The following GIPC2 variants were observed in gnomAD, a reference collection of about 807,000 sequenced individuals.
The protein encoded by GIPC2 is GIPC PDZ domain containing family member 2, also known as PDZ domain-containing protein GIPC2.
Under a neutral mutation model 30.6 loss-of-function variants are expected in GIPC2, and 30 were observed. The observed-to-expected ratio is 0.98, with a 90% CI of 0.73 to 1.33. The LOEUF (loss-of-function observed/expected upper bound fraction) is 1.33. Among genes scored for constraint, GIPC2 ranks in the 40% most tolerant of loss-of-function variants. The pLI, the probability that GIPC2 is intolerant of heterozygous loss-of-function variation, is 0.00. For synonymous variants in GIPC2, 167 were observed against 150.0 expected (o/e 1.11, Z -0.83); for missense variants, 414 against 390.3 (o/e 1.06, Z -0.51).
At position 78,096,875 on chromosome 1, in the gene GIPC2, C is replaced by A. The variant is rs1662145760; in HGVS notation, c.607+1743C>A. 1.3e-5 allele frequency among the ~76,000 whole-genome samples: 2 copies of A among 152,094 alleles called. 1 individual carries two copies. Among genetic ancestry groups the A allele is most frequent in the South Asian group, 4.1e-4 (2 of 4,820 alleles). On this transcript the variant is annotated intron_variant, in intron 3 of 5. Transcript: ENST00000370759. ...CTTTGGAGGAATAAGTTTTTATTTT[C>A]CAAGGTTTCTATGGAAGTTTAACTC... is the stretch of plus-strand genomic sequence containing the variant.
Position 78,119,444 on chromosome 1 carries a change from G to T in GIPC2, c.659G>T (p.Cys220Phe). ...AGKSSGEKIG[C>F]GRATLRLRSK... ...AAGTCATCAGGAGAAAAAATTGGTTGTGGAAGGGCAACACTTCGCCTGAGA... is the reference window on the plus strand; with the variant it reads ...AAGTCATCAGGAGAAAAAATTGGTTTTGGAAGGGCAACACTTCGCCTGAGA... Residue 220 changes from cysteine (C) to phenylalanine (F), a missense_variant, in exon 4 of 6, where the codon TGT (cysteine) becomes TTT (phenylalanine). Physicochemically the swap from Cys to Phe is radical, Grantham distance 205 (BLOSUM62 -2). Transcript: ENST00000370759. 6.2e-7 allele frequency: 1 copy of T among 1,613,406 alleles called. No individual in the cohort carries two copies. The highest frequency in any genetic ancestry group is 8.5e-7 in the Non-Finnish European group (1 of 1,179,414).
At position 78,135,653 on chromosome 1, in the gene GIPC2, T is replaced by C; in HGVS notation, c.858T>C (p.Leu286=). 1 of 1,611,104 alleles carries C rather than the reference T, an allele frequency of 6.2e-7. No homozygotes were observed. The highest frequency in any genetic ancestry group is 8.5e-7 in the Non-Finnish European group (1 of 1,177,810). The change falls in exon 6 of 6, where the codon CTT becomes CTC. Residue 286 remains leucine, a synonymous_variant. Coordinates refer to ENST00000370759, the MANE Select transcript of GIPC2 (RefSeq NM_017655.6). ...ATCCAGATGAATTTGCTGTGGCACTTGACGAAACTCTTGGAGACTTTGCGT... is the reference window on the plus strand; with the variant it reads ...ATCCAGATGAATTTGCTGTGGCACTCGACGAAACTCTTGGAGACTTTGCGT... ...KVNPDEFAVA[L]DETLGDFAFP...
intron 4 of GIPC2, among the ~76,000 whole-genome samples, chr1:78,124,599 A>G (rs1571526959): frequency 1.3e-5 from 2 of 152,200 alleles, no homozygotes; most frequent in East Asian, 3.8e-4. Flanking sequence ...CTCCAGCTAC[A>G]TGGGACTTCT....
chr1:78,117,168 A>C (rs1260400265), intron 3 of GIPC2, among the ~76,000 whole-genome samples: 3 of 152,254 alleles, frequency 2.0e-5, no homozygotes, highest in Non-Finnish European at 4.4e-5. Flanking sequence ...CTCATGAAAA[A>C]GTGGGCAAAG....
At chr1:78,069,756 G>A (rs1460047202) in intron 1 of GIPC2, among the ~76,000 whole-genome samples, 1 of 152,094 alleles carries the variant, frequency 6.6e-6, no homozygotes, top group African/African-American at 2.4e-5. Flanking sequence ...TTACAGGCAT[G>A]AGCCACCGCA....
At chr1:78,128,045 A>C (rs1053601766) in intron 5 of GIPC2, among the ~76,000 whole-genome samples, 1 of 152,218 alleles carries the variant, frequency 6.6e-6, no homozygotes, top group Admixed American at 6.5e-5. Context: ...GCTGTCTGCA[A>C]CTTAAAAACA....
At chr1:78,079,150 C>T (rs1004906202) in intron 1 of GIPC2, among the ~76,000 whole-genome samples, 2 of 152,090 alleles carry the variant, frequency 1.3e-5, no homozygotes, top group Non-Finnish European at 2.9e-5. Context: ...TTGCCGGGAA[C>T]ATAAAGGGTT....
chr1:78,095,044 G>A lies in GIPC2; in HGVS notation c.519G>A (p.Trp173Ter), dbSNP rs758240480. Residue 173 changes from tryptophan (W) to a stop codon, truncating the protein, a stop_gained, in exon 3 of 6, where the codon TGG becomes TGA. Coordinates refer to ENST00000370759, the MANE Select transcript of GIPC2 (RefSeq NM_017655.6). LOFTEE classifies it high-confidence loss of function. ...TAAATGGAGAAAATATTGTTGGGTG[G>A]CGTCACTATGATGTTGCTAAGAAGT... Reference protein sequence around the residue: ...ESINGENIVGWRHYDVAKKLK... With the variant: ...ESINGENIVG 1.0e-5 allele frequency: 16 copies of A among 1,606,936 alleles called. No individual in the cohort carries two copies. In the South Asian group the frequency reaches 1.4e-4, roughly 14 times the overall value.
intron 1 of GIPC2, among the ~76,000 whole-genome samples, chr1:78,075,865 A>G (rs550998136): frequency 1.3e-5 from 2 of 152,274 alleles, no homozygotes; most frequent in East Asian, 3.9e-4. Flanking sequence ...TTGTGTTAGG[A>G]GGGGAAAAGA....
chr1:78,108,783 T>C (rs1334347566), intron 3 of GIPC2, among the ~76,000 whole-genome samples: 1 of 152,198 alleles, frequency 6.6e-6, no homozygotes, highest in African/African-American at 2.4e-5. Flanking sequence ...CATGTGTTTA[T>C]GGACAATGCT....
intron 1 of GIPC2, among the ~76,000 whole-genome samples, chr1:78,071,474 G>GT (rs5775440): frequency 0.018 from 2,663 of 145,692 alleles, 61 homozygotes; most frequent in African/African-American, 0.062. Context: ...CTTCTAGAAG[G>GT]TTTTTTTTTT....
At position 78,064,052 on chromosome 1, in the gene GIPC2, A is replaced by G. The variant is rs371198681; in HGVS notation, c.241-16623A>G. Reference sequence around the variant, plus strand: ...AGGAGCAGACTGATATAAATGTTTTATGTTACAAATCCAAATAACATGGGC... The same window carrying G: ...AGGAGCAGACTGATATAAATGTTTTGTGTTACAAATCCAAATAACATGGGC... On this transcript the variant is annotated intron_variant, in intron 1 of 5. Transcript: ENST00000370759. Among the ~76,000 whole-genome samples, 44 of 152,350 alleles carry G rather than the reference A, an allele frequency of 2.9e-4. No individual in the cohort carries two copies. In the East Asian group the frequency reaches 6.0e-3, roughly 21 times the overall value.
intron 2 of GIPC2, among the ~76,000 whole-genome samples, chr1:78,094,186 G>A (rs1179031329): frequency 6.6e-6 from 1 of 152,154 alleles, no homozygotes; most frequent in East Asian, 1.9e-4. Flanking sequence ...TTGTGTCTTT[G>A]CATCTGTAAC....
intron 2 of GIPC2, among the ~76,000 whole-genome samples, chr1:78,087,694 T>G (rs1339857766): frequency 2.6e-5 from 4 of 152,126 alleles, no homozygotes; most frequent in Admixed American, 6.5e-5. Flanking sequence ...TTCTGAACAT[T>G]GGAATGGGCA....
intron 1 of GIPC2, among the ~76,000 whole-genome samples, chr1:78,076,194 G>A (rs1661714013): frequency 1.3e-5 from 2 of 152,170 alleles, no homozygotes; most frequent in African/African-American, 4.8e-5. Flanking sequence ...GCTACCATAT[G>A]GCTTAAAATG....
rs536754691 is a variant in GIPC2 at position 78,100,975 on chromosome 1, C to T, written c.607+5843C>T. On this transcript the variant is annotated intron_variant, in intron 3 of 5. Coordinates refer to ENST00000370759, the MANE Select transcript of GIPC2 (RefSeq NM_017655.6). ...ACACACACACACACACACACACACA[C>T]ACACACATACACACGAGGTAGATGA... is the stretch of plus-strand genomic sequence containing the variant. 1.8e-3 allele frequency among the ~76,000 whole-genome samples: 263 copies of T among 147,822 alleles called. 5 individuals carry two copies. Among genetic ancestry groups the T allele is most frequent in the African/African-American group, 6.0e-3 (236 of 39,336 alleles).
intron 1 of GIPC2, among the ~76,000 whole-genome samples, chr1:78,078,199 A>AC (rs1326713216): frequency 2.6e-5 from 4 of 151,392 alleles, no homozygotes; most frequent in Admixed American, 6.6e-5. Context: ...AAAAAAAAAA[A>AC]AAAAAAAAAA....
chr1:78,121,628 T>G (rs1334287833), intron 4 of GIPC2, among the ~76,000 whole-genome samples: 1 of 151,910 alleles, frequency 6.6e-6, no homozygotes, highest in Non-Finnish European at 1.5e-5. Context: ...TCTGGGAGAA[T>G]GAAAGGACCG....
intron 3 of GIPC2, among the ~76,000 whole-genome samples, chr1:78,118,203 TGAG>T (rs1314349671): frequency 6.7e-6 from 1 of 148,256 alleles, no homozygotes; most frequent in African/African-American, 2.5e-5. Context: ...GATTCAGGCA[TGAG>T]ATTACTGTAA....
Sources: allele counts gnomAD v4.1 joint callset (sites outside exome capture counted in the v4.1 genomes callset), GRCh38; gene constraint gnomAD v4.1.1; transcripts MANE v1.5; gene names NCBI Gene and HGNC (gene_info 2026-07-23, HGNC 2026-07-21).